The following LRBA variants were observed in gnomAD, a reference collection of about 807,000 sequenced individuals.
The protein encoded by LRBA is LPS responsive beige-like anchor protein.
Under a neutral mutation model 330.0 loss-of-function variants are expected in LRBA, and 176 were observed. That is an observed-to-expected ratio of 0.53 (90% CI 0.47 to 0.60). The LOEUF (loss-of-function observed/expected upper bound fraction) is 0.60. Among genes scored for constraint, LRBA ranks in the 20% least tolerant of loss-of-function variants. The pLI is 0.00. For synonymous variants in LRBA, 1,230 were observed against 1,193.0 expected, an observed-to-expected ratio of 1.03 and a Z score of -0.64; for missense variants, 3,259 against 3,444.8, an observed-to-expected ratio of 0.95 and a Z score of 1.35.
chr4:150,274,472 G>T (rs757876862), intron 56 of LRBA, among the ~76,000 whole-genome samples: 2 of 151,940 alleles, frequency 1.3e-5, no homozygotes, highest in Non-Finnish European at 2.9e-5. Flanking sequence ...GAAGGAGACA[G>T]AGACACAAAA....
rs558430027 is a variant in LRBA at position 150,714,366 on chromosome 4, A to T, written c.5754+20892T>A. Reference sequence around the variant, plus strand: ...CAGTATTTGATTAATATGGGAAGTAAATTTTTTATTATCTAGTTTTAACGA... The same window carrying T: ...CAGTATTTGATTAATATGGGAAGTATATTTTTTATTATCTAGTTTTAACGA... On this transcript the variant is annotated intron_variant, in intron 36 of 56. Coordinates refer to ENST00000651943, the MANE Select transcript of LRBA (RefSeq NM_001364905.1). 9.9e-5 allele frequency among the ~76,000 whole-genome samples: 15 copies of T among 152,264 alleles called. No homozygotes were observed. The South Asian group carries it at 2.7e-3, about 27-fold the overall frequency.
At chr4:150,515,706 T>C (rs959684081) in intron 40 of LRBA, among the ~76,000 whole-genome samples, 21 of 152,072 alleles carry the variant, frequency 1.4e-4, no homozygotes, top group Non-Finnish European at 2.6e-4. Context: ...GTACTCCAAA[T>C]GATTAACGGA....
chr4:150,429,810 T>C (rs1418845712), intron 46 of LRBA, among the ~76,000 whole-genome samples: 3 of 152,104 alleles, frequency 2.0e-5, no homozygotes, highest in Non-Finnish European at 2.9e-5. Context: ...ACTATCTAAT[T>C]TGTACTAAAA....
At chr4:150,756,618 AT>A (rs1247197659) in intron 35 of LRBA, among the ~76,000 whole-genome samples, 13 of 152,238 alleles carry the variant, frequency 8.5e-5, no homozygotes, top group Non-Finnish European at 1.5e-5. Context: ...GAAGAAAAAA[AT>A]AACTAAGATA....
At chr4:150,808,923 C>T (rs1467419351) in intron 31 of LRBA, among the ~76,000 whole-genome samples, 1 of 152,124 alleles carries the variant, frequency 6.6e-6, no homozygotes, top group Non-Finnish European at 1.5e-5. Flanking sequence ...CAGTTATTTT[C>T]CCCTTATGCC....
intron 44 of LRBA, among the ~76,000 whole-genome samples, chr4:150,456,246 A>G (rs1475016774): frequency 1.3e-5 from 2 of 152,142 alleles, no homozygotes; most frequent in Admixed American, 1.3e-4. Flanking sequence ...AGAAGCTTCA[A>G]AATTGTTCTC....
At chr4:150,866,286 G>A (rs1364758145) in intron 22 of LRBA, among the ~76,000 whole-genome samples, 1 of 152,078 alleles carries the variant, frequency 6.6e-6, no homozygotes, top group Non-Finnish European at 1.5e-5. Context: ...TTCCTCAGAA[G>A]GTACAAACAT....
chr4:150,661,420 A>G (rs1353046254), intron 37 of LRBA, among the ~76,000 whole-genome samples: 2 of 148,362 alleles, frequency 1.3e-5, no homozygotes, highest in East Asian at 4.2e-4. Context: ...CTGTGAGCCG[A>G]GATCGTGCCA....
intron 33 of LRBA, among the ~76,000 whole-genome samples, chr4:150,803,746 G>T (rs1742118376): frequency 6.6e-6 from 1 of 152,030 alleles, no homozygotes; most frequent in Non-Finnish European, 1.5e-5. Context: ...AGATTTGTTT[G>T]CTATTTTTAT....
chr4:150,439,212 G>T (rs918902074), intron 44 of LRBA, among the ~76,000 whole-genome samples: 1 of 152,126 alleles, frequency 6.6e-6, no homozygotes, highest in Non-Finnish European at 1.5e-5. Context: ...AGCATAATAA[G>T]TATTCACTTT....
intron 28 of LRBA, among the ~76,000 whole-genome samples, chr4:150,837,248 G>A (rs532616313): frequency 2.4e-4 from 36 of 152,296 alleles, no homozygotes; most frequent in African/African-American, 8.4e-4. Flanking sequence ...GTGCGACGTG[G>A]TGCTGAGAAG....
Position 150,265,405 on chromosome 4 carries a change from T to C in LRBA, c.*317A>G. 1 of 199,092 alleles carries C rather than the reference T, an allele frequency of 5.0e-6. No homozygotes were observed. Among genetic ancestry groups the C allele is most frequent in the Non-Finnish European group, 1.1e-5 (1 of 95,100 alleles). 12.3% of individuals were successfully genotyped at this position (199,092 alleles called of 1,614,324 possible). A position where few individuals can be genotyped will look rare whatever the true frequency, so the allele number is the denominator to read the frequency against. On this transcript the variant is annotated 3_prime_UTR_variant, in exon 57 of 57. Coordinates refer to ENST00000651943, the MANE Select transcript of LRBA (RefSeq NM_001364905.1). ...AAGCTTGTAGATGCATGGGAAATGT[T>C]CTTCATAATATTATAGCTGGAATAA...
At chr4:150,534,275 A>C (rs1022099290) in intron 40 of LRBA, among the ~76,000 whole-genome samples, 2 of 150,318 alleles carry the variant, frequency 1.3e-5, no homozygotes, top group African/African-American at 4.9e-5. Flanking sequence ...CACATTTAAG[A>C]CTTTTTAGTT....
intron 40 of LRBA, among the ~76,000 whole-genome samples, chr4:150,585,388 G>T (rs992084848): frequency 2.0e-5 from 3 of 152,076 alleles, no homozygotes; most frequent in African/African-American, 7.2e-5. Context: ...AACAAAAAAG[G>T]TTTTCATACC....
chr4:150,791,533 C>A (rs1048444297), intron 34 of LRBA, among the ~76,000 whole-genome samples: 1 of 152,034 alleles, frequency 6.6e-6, no homozygotes, highest in Admixed American at 6.6e-5. Flanking sequence ...ATAAATAATA[C>A]CAGAAGCAGA....
At chr4:150,301,727 C>A (rs552998671) in intron 53 of LRBA, among the ~76,000 whole-genome samples, 44 of 152,012 alleles carry the variant, frequency 2.9e-4, no homozygotes, top group Non-Finnish European at 6.2e-4. Context: ...GAGCAAGGAC[C>A]GGGTATTCAG....
chr4:150,310,745 T>C (rs569261516), intron 51 of LRBA: 1 of 176,878 alleles, frequency 5.7e-6, no homozygotes, highest in Non-Finnish European at 1.2e-5. Context: ...ACATTTATTG[T>C]CATGAGAATG....
intron 2 of LRBA, among the ~76,000 whole-genome samples, chr4:151,005,187 C>CT (rs1743867841): frequency 6.6e-6 from 1 of 151,690 alleles, no homozygotes; most frequent in African/African-American, 2.4e-5. Context: ...TGGCTCACGC[C>CT]TGTAATCCAG....
intron 33 of LRBA, among the ~76,000 whole-genome samples, chr4:150,805,230 AAAG>A (rs1742417021): frequency 7.0e-6 from 1 of 143,012 alleles, no homozygotes; most frequent in East Asian, 2.0e-4. Context: ...AAAGGAAAGG[AAAG>A]GAAAAGGAGA....
Sources: gnomAD v4.1 joint callset for allele counts (sites outside exome capture counted in the v4.1 genomes callset) on GRCh38, gnomAD v4.1.1 for gene constraint, MANE v1.5 for transcripts, NCBI Gene and HGNC (gene_info 2026-07-23, HGNC 2026-07-21) for gene names.